CACNA1E: variants seen among roughly 807,000 people sequenced by gnomAD.
The protein encoded by CACNA1E is calcium voltage-gated channel subunit alpha1 E, also known as voltage-dependent R-type calcium channel subunit alpha-1E.
Under a neutral mutation model 259.2 loss-of-function variants are expected in CACNA1E, and 40 were observed. That is an observed-to-expected ratio of 0.15 (90% CI 0.12 to 0.20). CACNA1E has a LOEUF of 0.20. Among genes scored for constraint, CACNA1E ranks in the 10% least tolerant of loss-of-function variants. The pLI, the probability that CACNA1E is intolerant of heterozygous loss-of-function variation, is 1.00. For missense variants in CACNA1E, 1,874 were observed against 3,040.1 expected (o/e 0.62, Z 9.02); for synonymous variants, 1,104 against 1,138.5 (o/e 0.97, Z 0.61).
chr1:181,347,752 G>A (rs1652715885), intron 1 of CACNA1E, among the ~76,000 whole-genome samples: 1 of 152,264 alleles, frequency 6.6e-6, no homozygotes, highest in African/African-American at 2.4e-5. Context: ...CAGCAAGTGG[G>A]CCTCAGCCTG....
intron 45 of CACNA1E, among the ~76,000 whole-genome samples, chr1:181,794,208 G>A (rs940215003): frequency 6.6e-6 from 1 of 152,138 alleles, no homozygotes; most frequent in Non-Finnish European, 1.5e-5. Context: ...TTCTTTGTCT[G>A]TTTTCCTGGC....
At chr1:181,715,869 C>T (rs993279599) in intron 9 of CACNA1E, among the ~76,000 whole-genome samples, 171 bp from the exon 10 acceptor site, 1 of 152,144 alleles carries the variant, frequency 6.6e-6, no homozygotes, top group Non-Finnish European at 1.5e-5. Context: ...CATTTGCGGT[C>T]CGGTAGACAT....
chr1:181,409,243 A>G (rs976486468), intron 1 of CACNA1E, among the ~76,000 whole-genome samples: 1 of 152,240 alleles, frequency 6.6e-6, no homozygotes, highest in Non-Finnish European at 1.5e-5. Context: ...CAGAGATTAT[A>G]TGGCATGCAA....
intron 1 of CACNA1E, among the ~76,000 whole-genome samples, chr1:181,497,993 G>A (rs1377287694): frequency 2.0e-5 from 3 of 152,180 alleles, no homozygotes; most frequent in African/African-American, 7.2e-5. Flanking sequence ...CTCCACTGCT[G>A]CAGTTCCTTT....
At chr1:181,493,514 C>T (rs2102521662) in intron 1 of CACNA1E, among the ~76,000 whole-genome samples, 1 of 152,250 alleles carries the variant, frequency 6.6e-6, no homozygotes, top group South Asian at 2.1e-4. Flanking sequence ...AAATATTCCT[C>T]CTTATAGCTT....
intron 47 of CACNA1E, 44 bp downstream of exon 47, chr1:181,796,902 A>C: frequency 7.1e-7 from 1 of 1,416,422 alleles, no homozygotes; most frequent in Non-Finnish European, 9.6e-7. Flanking sequence ...AGGACAGGGG[A>C]GGGTGGGCTG....
At chr1:181,667,655 C>T (rs371224638) in intron 7 of CACNA1E, among the ~76,000 whole-genome samples, 1 of 151,984 alleles carries the variant, frequency 6.6e-6, no homozygotes, top group East Asian at 1.9e-4. Context: ...TTTCTAGAAA[C>T]ACCATTTAAG....
intron 16 of CACNA1E, among the ~76,000 whole-genome samples, chr1:181,724,213 G>C (rs149734697): frequency 2.0e-3 from 311 of 152,266 alleles, no homozygotes; most frequent in African/African-American, 6.6e-3. Context: ...CTGGCCCCCA[G>C]ATGGTTTGAT....
At chr1:181,558,495 C>A (rs1300204274) in intron 3 of CACNA1E, among the ~76,000 whole-genome samples, 2 of 152,110 alleles carry the variant, frequency 1.3e-5, no homozygotes, top group East Asian at 1.9e-4. Context: ...GTTTGGGAAA[C>A]CTTCCTGAAG....
intron 7 of CACNA1E, among the ~76,000 whole-genome samples, chr1:181,672,543 G>C (rs1032843602): frequency 6.6e-6 from 1 of 152,146 alleles, no homozygotes; most frequent in African/African-American, 2.4e-5. Context: ...CTATGAATAG[G>C]AGGGAAGAAA....
At chr1:181,490,678 C>G (rs545842106) in intron 1 of CACNA1E, among the ~76,000 whole-genome samples, 12 of 151,808 alleles carry the variant, frequency 7.9e-5, no homozygotes, top group African/African-American at 2.9e-4. Context: ...TGGGCTGCAT[C>G]GGTTCTCTTC....
chr1:181,683,804 T>C (rs1650234579), intron 7 of CACNA1E, among the ~76,000 whole-genome samples: 2 of 152,280 alleles, frequency 1.3e-5, no homozygotes, highest in South Asian at 4.1e-4. Flanking sequence ...TTCCATGGTG[T>C]ATATGCACCA....
chr1:181,472,251 C>G (rs1004890402), intron 2 of CACNA1E, among the ~76,000 whole-genome samples: 1 of 151,520 alleles, frequency 6.6e-6, no homozygotes, highest in Admixed American at 6.6e-5. Flanking sequence ...AGTAGGGAGA[C>G]GTAGGTCAAA....
intron 7 of CACNA1E, among the ~76,000 whole-genome samples, chr1:181,663,617 G>A (rs1054075463): frequency 2.2e-4 from 34 of 152,204 alleles, no homozygotes; most frequent in African/African-American, 8.2e-4. Context: ...TAGTATTGCA[G>A]AGAACTGAGG....
intron 38 of CACNA1E, among the ~76,000 whole-genome samples, chr1:181,777,693 C>A (rs1660083376): frequency 6.6e-6 from 1 of 152,144 alleles, no homozygotes; most frequent in Non-Finnish European, 1.5e-5. Flanking sequence ...GATCGTGATA[C>A]CTACATAACT....
chr1:181,784,059 C>A (rs1351588369), intron 40 of CACNA1E, among the ~76,000 whole-genome samples: 1 of 152,138 alleles, frequency 6.6e-6, no homozygotes, highest in Non-Finnish European at 1.5e-5. Flanking sequence ...ATTTATTGAC[C>A]AGAGGTTAAT....
chr1:181,693,609 C>T (rs529254709), intron 7 of CACNA1E, among the ~76,000 whole-genome samples: 37 of 152,096 alleles, frequency 2.4e-4, no homozygotes, highest in African/African-American at 8.9e-4. Flanking sequence ...AATAATTGGG[C>T]ACTCATGGAC....
chr1:181,474,424 G>T (rs1455391518), intron 2 of CACNA1E, among the ~76,000 whole-genome samples: 1 of 152,176 alleles, frequency 6.6e-6, no homozygotes, highest in Non-Finnish European at 1.5e-5. Context: ...TCAGAAACCT[G>T]CAAAAGAGCC....
intron 34 of CACNA1E, among the ~76,000 whole-genome samples, chr1:181,765,343 TA>T (rs1026960175): frequency 3.5e-4 from 54 of 152,244 alleles, no homozygotes; most frequent in African/African-American, 1.3e-3. Flanking sequence ...GACAGTAGAA[TA>T]AGGGCAGAAG....
Sources: gnomAD v4.1 joint callset for allele counts (sites outside exome capture counted in the v4.1 genomes callset) on GRCh38, gnomAD v4.1.1 for gene constraint, MANE v1.5 for transcripts, NCBI Gene and HGNC (gene_info 2026-07-23, HGNC 2026-07-21) for gene names.